MTCH1: variants seen among roughly 807,000 people sequenced by gnomAD.
MTCH1 encodes mitochondrial carrier 1.
MTCH1 carries 23 observed loss-of-function variants against 49.3 expected under a neutral mutation model. That is an observed-to-expected ratio of 0.47 (90% CI 0.34 to 0.66). The LOEUF (loss-of-function observed/expected upper bound fraction) is 0.66. MTCH1 is among the 30% of genes least tolerant of loss of function. The pLI is 0.01. For synonymous variants in MTCH1, 229 were observed against 215.2 expected (o/e 1.06, Z -0.56); for missense variants, 397 against 532.1 (o/e 0.75, Z 2.50).
intron 2 of MTCH1, among the ~76,000 whole-genome samples, chr6:36,979,949 G>C (rs1469476997): frequency 6.6e-6 from 1 of 152,158 alleles, no homozygotes; most frequent in Non-Finnish European, 1.5e-5. Context: ...TGGGTCCCAG[G>C]GCCTCCCTCA....
intron 3 of MTCH1, 125 bp from the exon 4 acceptor site, chr6:36,978,280 C>A: frequency 1.1e-6 from 1 of 931,838 alleles, no homozygotes; most frequent in Non-Finnish European, 1.7e-6. Flanking sequence ...GGGCCCACCT[C>A]AGGTAACCTC....
At chr6:36,985,770 A>G in intron 1 of MTCH1, 83 bp downstream of exon 1, 1 of 786,038 alleles carries the variant, frequency 1.3e-6, no homozygotes. Flanking sequence ...GTCGCCATTG[A>G]CTGCCCGCCC....
Position 36,977,070 on chromosome 6 carries a change from G to C in MTCH1, c.701+129C>G, listed in dbSNP as rs1327449825. On this transcript the variant is annotated intron_variant, in intron 6 of 11. Coordinates refer to ENST00000373627, the MANE Select transcript of MTCH1 (RefSeq NM_001271641.2). This position sits in a 1 kb window ranked among gnomAD's most constrained non-coding sequence, Gnocchi z 5.4. ...GAAGCCACTGCCACATTCCTCAGAA[G>C]CCAGGCAGCAGGCTGAACTCACACA... 2.1e-6 allele frequency: 2 copies of C among 933,624 alleles called. No individual in the cohort carries two copies. The highest frequency in any genetic ancestry group is 3.4e-6 in the Non-Finnish European group (2 of 583,308). 57.8% of individuals were successfully genotyped at this position (933,624 alleles called of 1,614,324 possible).
chr6:36,985,741 CACCCCTCT>C, intron 1 of MTCH1, 104 bp downstream of exon 1: 4 of 1,029,160 alleles, frequency 3.9e-6, no homozygotes, highest in East Asian at 3.4e-5. Flanking sequence ...CCGCCGTCCC[CACCCCTCT>C]CCCCAAATCC....
chr6:36,968,813 T>G lies in MTCH1; in HGVS notation c.*90A>C. On this transcript the variant is annotated 3_prime_UTR_variant, in exon 12 of 12. Coordinates refer to ENST00000373627, the MANE Select transcript of MTCH1 (RefSeq NM_001271641.2). ...TGGGCTGGAGCACATCTGGTTGTTG[T>G]TGGGTTGGAGTCGTCTTGCAGGTGT... The G allele has an allele frequency of 6.3e-7, 1 of 1,576,932 alleles. No homozygotes were observed. The highest frequency in any genetic ancestry group is 1.3e-5 in the African/African-American group (1 of 74,156).
rs1471096740 is a variant in MTCH1 at position 36,969,322 on chromosome 6, C to T, written c.1099-348G>A. 29 of 1,113,002 alleles carry T rather than the reference C, an allele frequency of 2.6e-5. 1 individual carries two copies. Among genetic ancestry groups the T allele is most frequent in the African/African-American group, 8.2e-5 (5 of 60,940 alleles). 68.9% of individuals were successfully genotyped at this position (1,113,002 alleles called of 1,614,324 possible). A position where few individuals can be genotyped will look rare whatever the true frequency, so the allele number is the denominator to read the frequency against. On this transcript the variant is annotated intron_variant, in intron 11 of 11. Coordinates refer to ENST00000373627, the MANE Select transcript of MTCH1 (RefSeq NM_001271641.2). ...TGACCAGGGCCACTGGGAAGAACTGCGGCTCTCCTCCCTGCTTCCCTCCCA... is the reference window on the plus strand; with the variant it reads ...TGACCAGGGCCACTGGGAAGAACTGTGGCTCTCCTCCCTGCTTCCCTCCCA...
chr6:36,985,758 C>A (rs1764283310), intron 1 of MTCH1, 95 bp downstream of exon 1: 47 of 452,870 alleles, frequency 1.0e-4, no homozygotes, highest in Non-Finnish European at 1.6e-4. Flanking sequence ...CTCCCCAAAT[C>A]CGTCGCCATT....
rs1270191834 is a variant in MTCH1 at position 36,977,937 on chromosome 6, A to G, written c.591+141T>C. 3.5e-6 allele frequency: 3 copies of G among 863,772 alleles called. No individual in the cohort carries two copies. The highest frequency in any genetic ancestry group is 3.8e-6 in the Non-Finnish European group (2 of 528,766). 53.5% of individuals were successfully genotyped at this position (863,772 alleles called of 1,614,324 possible). A position where few individuals can be genotyped will look rare whatever the true frequency, so the allele number is the denominator to read the frequency against. ...CCGGGGTTCCCGGCACATCCAGGCC[A>G]GGGCTTCTTCCCTTACCATCCCACC... On this transcript the variant is annotated intron_variant, in intron 4 of 11. Transcript: ENST00000373627. The surrounding 1 kb of genome is among the most constrained non-coding windows in gnomAD (Gnocchi z 5.4).
At position 36,969,515 on chromosome 6, in the gene MTCH1, G is replaced by C. The variant is rs1038307370; in HGVS notation, c.1098+524C>G. On this transcript the variant is annotated intron_variant, in intron 11 of 11. Coordinates refer to ENST00000373627, the MANE Select transcript of MTCH1 (RefSeq NM_001271641.2). ...CAAGAGCTCCAGCTACGGAGAGGTA[G>C]CTTCGGTACAGAACACGAGAACCCA... The C allele has an allele frequency of 9.2e-6, 10 of 1,087,862 alleles. No individual in the cohort carries two copies. In the Admixed American group the frequency reaches 4.4e-4, roughly 48 times the overall value. 67.4% of individuals were successfully genotyped at this position (1,087,862 alleles called of 1,614,324 possible).
chr6:36,984,326 C>T (rs113102907), intron 1 of MTCH1, among the ~76,000 whole-genome samples: 32 of 152,268 alleles, frequency 2.1e-4, no homozygotes, highest in Admixed American at 6.5e-4. Flanking sequence ...CTACACCTTC[C>T]GCCATCAACA....
chr6:36,968,910 A>G lies in MTCH1; in HGVS notation c.1163T>C (p.Leu388Pro). 4 of 1,614,116 alleles carry G rather than the reference A, an allele frequency of 2.5e-6. No individual in the cohort carries two copies. The highest frequency in any genetic ancestry group is 3.4e-6 in the Non-Finnish European group (4 of 1,179,970). The change falls in exon 12 of 12, where the codon CTG (leucine) becomes CCG (proline). Residue 388 changes from leucine to proline, a missense_variant. Physicochemically the swap from Leu to Pro is moderately conservative, Grantham distance 98 (BLOSUM62 -3). This residue lies in a region of MTCH1 where 252 missense variants were observed against 388.3 expected (regional missense o/e 0.65). Coordinates refer to ENST00000373627, the MANE Select transcript of MTCH1 (RefSeq NM_001271641.2). ...TTTTTTAGATGATTCAGGTTACTCC[A>G]GGGCAAAGCATGATCCTGATGACAC... ...RRVSSGSCFALE is the reference protein window; with the variant it reads ...RRVSSGSCFAPE
chr6:36,982,681 G>A lies in MTCH1; in HGVS notation c.322-1009C>T, dbSNP rs970346714. Among the ~76,000 whole-genome samples, 4 of 152,184 alleles carry A rather than the reference G, an allele frequency of 2.6e-5. No homozygotes were observed. The highest frequency in any genetic ancestry group is 5.9e-5 in the Non-Finnish European group (4 of 68,032). On this transcript the variant is annotated intron_variant, in intron 1 of 11. Coordinates refer to ENST00000373627, the MANE Select transcript of MTCH1 (RefSeq NM_001271641.2). The surrounding 1 kb of genome is among the most constrained non-coding windows in gnomAD (Gnocchi z 4.1). ...TGGGATTACAGGCATGAGCCACTGC[G>A]CCCAGCCTGAAATATTTATTAAACC...
Position 36,977,838 on chromosome 6 carries a change from GC to G in MTCH1, c.592-148del. The G allele has an allele frequency of 1.2e-6, 1 of 801,388 alleles. No homozygotes were observed. The highest frequency in any genetic ancestry group is 2.0e-6 in the Non-Finnish European group (1 of 493,924). 49.6% of individuals were successfully genotyped at this position (801,388 alleles called of 1,614,324 possible). On this transcript the variant is annotated intron_variant, in intron 4 of 11. Transcript: ENST00000373627. The surrounding 1 kb of genome is among the most constrained non-coding windows in gnomAD (Gnocchi z 5.4). ...TCTGCCAAGGATGGCTCCACCTGTT[GC>G]CCACTCCCCAGTCCCCCACCCAGGA...
chr6:36,981,125 C>G (rs918212151), intron 2 of MTCH1, among the ~76,000 whole-genome samples: 1 of 152,172 alleles, frequency 6.6e-6, no homozygotes, highest in African/African-American at 2.4e-5. Flanking sequence ...GAGCACCACT[C>G]ACTGCCTGAG....
Position 36,978,703 on chromosome 6 carries a change from C to A in MTCH1, c.407-92G>T, listed in dbSNP as rs536941442. ...ACACCCAGACCAGGCTCGGCTTGTC[C>A]TTCAGGTAACTGCTGACTACAGGCA... On this transcript the variant is annotated intron_variant, in intron 2 of 11. Coordinates refer to ENST00000373627, the MANE Select transcript of MTCH1 (RefSeq NM_001271641.2). The A allele has an allele frequency of 2.8e-6, 3 of 1,074,042 alleles. No homozygotes were observed. In the East Asian group the frequency reaches 7.2e-5, roughly 26 times the overall value. The allele number at this position is 1,074,042 out of a possible 1,614,324, so 66.5% of individuals were successfully genotyped here.
At position 36,981,484 on chromosome 6, in the gene MTCH1, G is replaced by A. The variant is rs977833434; in HGVS notation, c.406+104C>T. The A allele has an allele frequency of 2.3e-5, 24 of 1,030,882 alleles. No individual in the cohort carries two copies. The African/African-American group carries it at 3.1e-4, about 13-fold the overall frequency. The allele number at this position is 1,030,882 out of a possible 1,614,324, so 63.9% of individuals were successfully genotyped here. ...CCCTCCTCCATGCCAGCTCGACTGC[G>A]TGCCATGCTGCGCAGTGAGTTCCCC... On this transcript the variant is annotated intron_variant, in intron 2 of 11. Transcript: ENST00000373627.
At position 36,972,885 on chromosome 6, in the gene MTCH1, C is replaced by T. The variant is rs989117170; in HGVS notation, c.762-89G>A. ...ACCCAGGAAGCAGGCAGGGATGTTC[C>T]GAGCTCAAAATCTTAGCATATCCAA... On this transcript the variant is annotated intron_variant, in intron 7 of 11. Transcript: ENST00000373627. This position sits in a 1 kb window ranked among gnomAD's most constrained non-coding sequence, Gnocchi z 4.1. 1.8e-5 allele frequency: 25 copies of T among 1,353,166 alleles called. No individual in the cohort carries two copies. The highest frequency in any genetic ancestry group is 2.5e-4 in the Middle Eastern group (1 of 3,968). 83.8% of individuals were successfully genotyped at this position (1,353,166 alleles called of 1,614,324 possible). A position where few individuals can be genotyped will look rare whatever the true frequency, so the allele number is the denominator to read the frequency against.
In MTCH1 at chr6:36,973,681, T is replaced by C. The variant is rs375864807; in HGVS notation, c.762-885A>G. The stretch of plus-strand genomic sequence containing the variant: ...TGTATGAGTATCACCTGTTCCAAAA[T>C]CACATGGGGAGAAAGAACCCAAAGA... On this transcript the variant is annotated intron_variant, in intron 7 of 11. Transcript: ENST00000373627. Among the ~76,000 whole-genome samples, 11 of 152,306 alleles carry C rather than the reference T, an allele frequency of 7.2e-5. No individual in the cohort carries two copies. The East Asian group carries it at 1.5e-3, about 21-fold the overall frequency.
intron 2 of MTCH1, 40 bp from the exon 3 acceptor site, chr6:36,978,651 T>A (rs1456464944): frequency 6.3e-7 from 1 of 1,582,932 alleles, no homozygotes. Flanking sequence ...CACACCCAGT[T>A]CAGGGGCACC....
Sources: allele counts gnomAD v4.1 joint callset (sites outside exome capture counted in the v4.1 genomes callset), GRCh38; gene constraint gnomAD v4.1.1; regional missense constraint gnomAD v4.1.1; non-coding constraint Gnocchi (gnomAD v3.1); transcripts MANE v1.5; gene names NCBI Gene and HGNC (gene_info 2026-07-23, HGNC 2026-07-21).